IFT25: variants seen among roughly 807,000 people sequenced by gnomAD.
The protein encoded by IFT25 is intraflagellar transport protein 25 homolog.
the IFT25 span, among the ~76,000 whole-genome samples, chr1:53,940,527 TTGAG>T: frequency 6.6e-6 from 1 of 152,144 alleles, no homozygotes; most frequent in African/African-American, 2.4e-5. Flanking sequence ...AATTATTCCA[TTGAG>T]TGTTAATAAA....
chr1:53,941,778 G>C, the IFT25 span, among the ~76,000 whole-genome samples: 1 of 152,172 alleles, frequency 6.6e-6, no homozygotes, highest in Non-Finnish European at 1.5e-5. Flanking sequence ...ATTGGAAGTA[G>C]CAGTAACATT....
chr1:53,923,798 C>T, the IFT25 span: 2 of 756,484 alleles, frequency 2.6e-6, no homozygotes, highest in Non-Finnish European at 4.7e-6. Flanking sequence ...TAGGTACAAA[C>T]CTATAATATC....
the IFT25 span, among the ~76,000 whole-genome samples, chr1:53,912,377 C>T: frequency 6.6e-6 from 1 of 152,160 alleles, no homozygotes; most frequent in Non-Finnish European, 1.5e-5. Context: ...CAGAGTTATG[C>T]AAAGATGGAC....
At chr1:53,917,046 A>C in the IFT25 span, 5 of 212,032 alleles carry the variant, frequency 2.4e-5, no homozygotes, top group Non-Finnish European at 3.7e-5. Context: ...AGGGAGGCTG[A>C]GGCAGGAGAA....
the IFT25 span, among the ~76,000 whole-genome samples, chr1:53,925,533 C>T: frequency 7.9e-5 from 12 of 151,608 alleles, no homozygotes; most frequent in Middle Eastern, 6.8e-3. Flanking sequence ...GGCATGGTGG[C>T]GGGCACCTGT....
the IFT25 span, among the ~76,000 whole-genome samples, chr1:53,944,952 G>C: frequency 6.6e-6 from 1 of 152,168 alleles, no homozygotes; most frequent in Non-Finnish European, 1.5e-5. Flanking sequence ...CTTGGTTCTG[G>C]TGCTACAGCT....
At chr1:53,937,833 T>C in the IFT25 span, among the ~76,000 whole-genome samples, 6 of 152,306 alleles carry the variant, frequency 3.9e-5, no homozygotes, top group South Asian at 2.1e-4. Flanking sequence ...CTTAAAGCAG[T>C]TGCCACATTA....
chr1:53,924,048 T>C, the IFT25 span: 2 of 767,294 alleles, frequency 2.6e-6, no homozygotes, highest in East Asian at 2.5e-5. Context: ...TGGTAAATTA[T>C]GAGACCAGGT....
the IFT25 span, among the ~76,000 whole-genome samples, chr1:53,922,409 A>T: frequency 6.6e-6 from 1 of 151,858 alleles, no homozygotes. Flanking sequence ...AAAAAAAAAA[A>T]AAGTGTCTTT....
chr1:53,921,187 T>A, the IFT25 span, among the ~76,000 whole-genome samples: 756 of 152,216 alleles, frequency 5.0e-3, 4 homozygotes, highest in African/African-American at 0.012. Flanking sequence ...ATATTTTTTT[T>A]AATTAAAAAG....
the IFT25 span, chr1:53,929,988 T>C: frequency 6.6e-7 from 1 of 1,513,334 alleles, no homozygotes; most frequent in Non-Finnish European, 8.7e-7. Context: ...ATATTAGCCT[T>C]ACCTGGAGCA....
chr1:53,926,716 T>C, the IFT25 span, among the ~76,000 whole-genome samples: 1 of 151,794 alleles, frequency 6.6e-6, no homozygotes, highest in Non-Finnish European at 1.5e-5. Flanking sequence ...ATGTCCCACA[T>C]TCTAGATTTT....
the IFT25 span, among the ~76,000 whole-genome samples, chr1:53,924,470 T>C: frequency 1.3e-5 from 2 of 152,344 alleles, no homozygotes; most frequent in South Asian, 4.1e-4. Flanking sequence ...TAGAGCAGAT[T>C]AATTTATTTC....
the IFT25 span, chr1:53,928,386 T>C: frequency 6.2e-7 from 1 of 1,612,738 alleles, no homozygotes; most frequent in East Asian, 2.2e-5. Context: ...TTCAATCCAT[T>C]GCTCAAAATC....
At chr1:53,927,637 A>G in the IFT25 span, among the ~76,000 whole-genome samples, 1 of 152,160 alleles carries the variant, frequency 6.6e-6, no homozygotes. Flanking sequence ...ATGTTCAACT[A>G]ATCATCCTTG....
the IFT25 span, among the ~76,000 whole-genome samples, chr1:53,927,427 A>G: frequency 6.6e-6 from 1 of 152,164 alleles, no homozygotes; most frequent in African/African-American, 2.4e-5. Context: ...CCACTATTCA[A>G]TATGTAGGCT....
At chr1:53,923,904 C>T in the IFT25 span, 2 of 1,567,356 alleles carry the variant, frequency 1.3e-6, no homozygotes, top group South Asian at 1.1e-5. Context: ...ATTCACTTAC[C>T]ACAATTTCTT....
the IFT25 span, among the ~76,000 whole-genome samples, chr1:53,937,171 G>A: frequency 6.1e-3 from 923 of 152,316 alleles, 9 homozygotes; most frequent in African/African-American, 0.021. Flanking sequence ...AGGCTGGAGT[G>A]CAGTGGCATG....
At chr1:53,944,721 C>T in the IFT25 span, among the ~76,000 whole-genome samples, 2 of 152,208 alleles carry the variant, frequency 1.3e-5, no homozygotes, top group Non-Finnish European at 2.9e-5. Context: ...CTCAGGGCCG[C>T]AGTTTACCAA....
Sources: allele counts gnomAD v4.1 joint callset (sites outside exome capture counted in the v4.1 genomes callset), GRCh38; gene constraint gnomAD v4.1.1; transcripts MANE v1.5; gene names NCBI Gene and HGNC (gene_info 2026-07-23, HGNC 2026-07-21).